The following COL4A3 variants were observed in gnomAD, a reference collection of about 807,000 sequenced individuals.
COL4A3 encodes the protein collagen alpha-3(IV) chain.
In COL4A3, 135 loss-of-function variants were observed where a neutral mutation model predicts 217.4. The ratio of observed to expected loss-of-function variants is 0.62; its 90% confidence interval spans 0.54 to 0.72. The LOEUF (loss-of-function observed/expected upper bound fraction) is 0.72. Among genes scored for constraint, COL4A3 ranks in the 30% least tolerant of loss-of-function variants. The probability of loss-of-function intolerance (pLI) is 0.00; values close to 1 mark genes in which losing one functional copy is unlikely to be tolerated. For synonymous variants in COL4A3, 690 were observed against 736.3 expected, an observed-to-expected ratio of 0.94 and a Z score of 1.02; for missense variants, 1,868 against 2,119.9, an observed-to-expected ratio of 0.88 and a Z score of 2.33.
chr2:227,273,733 A>G (rs1574756063), intron 26 of COL4A3, among the ~76,000 whole-genome samples: 1 of 152,206 alleles, frequency 6.6e-6, no homozygotes, highest in Non-Finnish European at 1.5e-5. Context: ...ATTTTGATCC[A>G]TAACTCCATA....
At chr2:227,244,421 A>T in intron 4 of COL4A3, 57 bp downstream of exon 4, 1 of 1,508,250 alleles carries the variant, frequency 6.6e-7, no homozygotes, top group Non-Finnish European at 9.2e-7. Flanking sequence ...TCACAGTAAG[A>T]GTTATACAAA....
At chr2:227,259,961 A>G in intron 19 of COL4A3, 84 bp downstream of exon 19, 1 of 984,556 alleles carries the variant, frequency 1.0e-6, no homozygotes, top group Non-Finnish European at 1.6e-6. Flanking sequence ...TGCTTATGGA[A>G]TTGACATGGG....
At chr2:227,217,370 C>A (rs565454205) in intron 1 of COL4A3, among the ~76,000 whole-genome samples, 1 of 152,216 alleles carries the variant, frequency 6.6e-6, no homozygotes, top group East Asian at 1.9e-4. Flanking sequence ...TCTACATGGA[C>A]TTGTACCACC....
In COL4A3 at chr2:227,244,303, T is replaced by G. The variant is rs1187593081; in HGVS notation, c.235-17T>G. 1 of 1,613,596 alleles carries G rather than the reference T, an allele frequency of 6.2e-7. No individual in the cohort carries two copies. The highest frequency in any genetic ancestry group is 8.5e-7 in the Non-Finnish European group (1 of 1,179,702). On this transcript the variant is annotated splice_polypyrimidine_tract_variant and intron_variant, in intron 3 of 51. Coordinates refer to ENST00000396578, the MANE Select transcript of COL4A3 (RefSeq NM_000091.5). ...ATTTTCAGAGTGTTTACTTTTTCTT[T>G]TTTCACTTGAATCTAGGGCTTTCCA...
intron 26 of COL4A3, among the ~76,000 whole-genome samples, chr2:227,275,370 G>A (rs907356151): frequency 6.6e-5 from 10 of 151,936 alleles, no homozygotes; most frequent in Admixed American, 6.6e-5. Flanking sequence ...TAGTAGAGAC[G>A]GGGTTTTACT....
At chr2:227,256,551 AACTTT>A (rs1385401923) in intron 17 of COL4A3, 155 bp downstream of exon 17, 5 of 781,006 alleles carry the variant, frequency 6.4e-6, no homozygotes, top group Non-Finnish European at 1.2e-5. Context: ...GAGATGTGGC[AACTTT>A]ACTTAAACAT....
chr2:227,256,820 T>A (rs1449665634), intron 17 of COL4A3, among the ~76,000 whole-genome samples: 2 of 152,258 alleles, frequency 1.3e-5, no homozygotes, highest in African/African-American at 4.8e-5. Context: ...ATGTTACAAA[T>A]ATTTTCAAAT....
intron 46 of COL4A3, among the ~76,000 whole-genome samples, chr2:227,304,760 T>A (rs994632350): frequency 6.6e-5 from 10 of 152,222 alleles, no homozygotes; most frequent in Non-Finnish European, 1.3e-4. Flanking sequence ...TTTAAACTGC[T>A]GCATTTAGTA....
Position 227,253,741 on chromosome 2 carries a change from C to T in COL4A3, c.765+103C>T, listed in dbSNP as rs2069950201. On this transcript the variant is annotated intron_variant, in intron 13 of 51. Coordinates refer to ENST00000396578, the MANE Select transcript of COL4A3 (RefSeq NM_000091.5). This position sits in a 1 kb window ranked among gnomAD's most constrained non-coding sequence, Gnocchi z 4.4. ...ACAAGCTCTTGTTATCTAAGTCCAG[C>T]TCAGCCCAGCTCCCTCAGCCAGCCA... The T allele has an allele frequency of 2.0e-6, 2 of 994,658 alleles. No homozygotes were observed. Among genetic ancestry groups the T allele is most frequent in the Admixed American group, 1.7e-5 (1 of 58,884 alleles). The allele number at this position is 994,658 out of a possible 1,614,324, so 61.6% of individuals were successfully genotyped here.
Position 227,295,324 on chromosome 2 carries a change from G to A in COL4A3, c.3565+8G>A, listed in dbSNP as rs1372066865. ...GGAACCCTGGTGCTCAAGGTAAGCA[G>A]TTCTTCTTCCCTGTCCTAATGTACA... On this transcript the variant is annotated splice_region_variant and intron_variant, in intron 41 of 51. Coordinates refer to ENST00000396578, the MANE Select transcript of COL4A3 (RefSeq NM_000091.5). 3 of 1,613,536 alleles carry A rather than the reference G, an allele frequency of 1.9e-6. No individual in the cohort carries two copies. The Admixed American group carries it at 5.0e-5, about 27-fold the overall frequency.
intron 1 of COL4A3, among the ~76,000 whole-genome samples, chr2:227,188,615 G>A (rs1384260428): frequency 6.6e-6 from 1 of 152,178 alleles, no homozygotes; most frequent in Non-Finnish European, 1.5e-5. Context: ...GTTTAAAACT[G>A]GAACCATTTT....
intron 17 of COL4A3, among the ~76,000 whole-genome samples, chr2:227,256,970 C>A (rs529990172): frequency 6.6e-6 from 1 of 152,304 alleles, no homozygotes; most frequent in South Asian, 2.1e-4. Context: ...GGACTACAAA[C>A]CTGCACAGCA....
At chr2:227,195,251 C>T (rs968422693) in intron 1 of COL4A3, among the ~76,000 whole-genome samples, 1 of 149,882 alleles carries the variant, frequency 6.7e-6, no homozygotes, top group East Asian at 1.9e-4. Flanking sequence ...ATCATAATCC[C>T]AAATCACGTA....
At chr2:227,284,846 C>G (rs554733770) in intron 34 of COL4A3, among the ~76,000 whole-genome samples, 1 of 152,128 alleles carries the variant, frequency 6.6e-6, no homozygotes, top group Admixed American at 6.6e-5. Flanking sequence ...AAAATTTAAC[C>G]CTTTAGAAAG....
chr2:227,249,690 C>G (rs1351636891), intron 9 of COL4A3, among the ~76,000 whole-genome samples: 1 of 151,972 alleles, frequency 6.6e-6, no homozygotes, highest in African/African-American at 2.4e-5. Context: ...TTAGGAGCTG[C>G]AAAAAATGCA....
chr2:227,272,920 A>G (rs1200799967), intron 25 of COL4A3, 29 bp from the exon 26 acceptor site: 1 of 1,612,180 alleles, frequency 6.2e-7, no homozygotes, highest in South Asian at 1.1e-5. Context: ...GGAATGAAGC[A>G]CGATTCAAAC....
At chr2:227,269,854 G>C (rs374200003) in intron 23 of COL4A3, 56 bp from the exon 24 acceptor site, 444 of 1,414,236 alleles carry the variant, frequency 3.1e-4, no homozygotes, top group Non-Finnish European at 4.2e-4. Flanking sequence ...GTATTACCCT[G>C]TCTACTTAGA....
Position 227,191,270 on chromosome 2 carries a change from A to G in COL4A3, c.87+26457A>G, listed in dbSNP as rs1015826837. The stretch of plus-strand genomic sequence containing the variant: ...ATTTGGAAGTACATTCCTCGTACAC[A>G]TTCCCAGAAATGGATTTTTTTTTTG... On this transcript the variant is annotated intron_variant, in intron 1 of 51. Transcript: ENST00000396578. The surrounding 1 kb of genome is among the most constrained non-coding windows in gnomAD (Gnocchi z 6.8). 2.6e-5 allele frequency among the ~76,000 whole-genome samples: 4 copies of G among 152,062 alleles called. No individual in the cohort carries two copies. Among genetic ancestry groups the G allele is most frequent in the Non-Finnish European group, 5.9e-5 (4 of 68,034 alleles).
intron 1 of COL4A3, among the ~76,000 whole-genome samples, chr2:227,233,604 C>CA (rs1258864201): frequency 6.6e-6 from 1 of 152,272 alleles, no homozygotes; most frequent in East Asian, 1.9e-4. Flanking sequence ...CCTTAATGTG[C>CA]AAACAAACCA....
Sources: gnomAD v4.1 joint callset for allele counts (sites outside exome capture counted in the v4.1 genomes callset) on GRCh38, gnomAD v4.1.1 for gene constraint, Gnocchi (gnomAD v3.1) non-coding constraint, MANE v1.5 for transcripts, NCBI Gene and HGNC (gene_info 2026-07-23, HGNC 2026-07-21) for gene names.